KIF13A: variants seen among roughly 807,000 people sequenced by gnomAD.
The protein encoded by KIF13A is kinesin family member 13A.
In KIF13A, 79 loss-of-function variants were observed where a neutral mutation model predicts 212.2. The ratio of observed to expected loss-of-function variants is 0.37; its 90% confidence interval spans 0.31 to 0.45. KIF13A has a LOEUF of 0.45. KIF13A is among the 20% of genes least tolerant of loss of function. The pLI is 1.00. For missense variants in KIF13A, 1,901 were observed against 2,209.0 expected (o/e 0.86, Z 2.79); for synonymous variants, 789 against 808.6 (o/e 0.98, Z 0.41).
chr6:17,953,536 C>T (rs1778065601), intron 2 of KIF13A: 1 of 152,240 alleles, frequency 6.6e-6, no homozygotes, highest in African/African-American at 2.4e-5. Flanking sequence ...CTTGGGTGCG[C>T]TGAAGATTCC....
At chr6:17,983,172 CA>C (rs530156481) in intron 2 of KIF13A, among the ~76,000 whole-genome samples, 1,682 of 76,612 alleles carry the variant, frequency 0.022, 30 homozygotes, top group African/African-American at 0.061. Context: ...GACTCCATCT[CA>C]AAAAAAAAAA....
Position 17,811,367 on chromosome 6 carries a change from G to A in KIF13A, c.2001-2437C>T, listed in dbSNP as rs1048822053. Among the ~76,000 whole-genome samples, 1 of 152,198 alleles carries A rather than the reference G, an allele frequency of 6.6e-6. No individual in the cohort carries two copies. The stretch of plus-strand genomic sequence containing the variant: ...CTAGGGATACTTCAAAGGATTCCCT[G>A]TCCCTTGCAACTCATTTTCCAGGGT... On this transcript the variant is annotated intron_variant, in intron 17 of 38. Coordinates refer to ENST00000259711, the MANE Select transcript of KIF13A (RefSeq NM_022113.6). This position sits in a 1 kb window ranked among gnomAD's most constrained non-coding sequence, Gnocchi z 6.0.
chr6:17,802,939 T>G (rs1433974602), intron 20 of KIF13A, among the ~76,000 whole-genome samples: 6 of 138,856 alleles, frequency 4.3e-5, no homozygotes, highest in African/African-American at 1.5e-4. Flanking sequence ...TTTGTTTTTT[T>G]TTGTTTTGTT....
chr6:17,965,659 T>C (rs1779236422), intron 2 of KIF13A, among the ~76,000 whole-genome samples: 1 of 152,238 alleles, frequency 6.6e-6, no homozygotes, highest in South Asian at 2.1e-4. Flanking sequence ...TAAAGATATG[T>C]GTGATGTTAA....
At chr6:17,861,911 T>A (rs1339632956) in intron 4 of KIF13A, among the ~76,000 whole-genome samples, 1 of 152,236 alleles carries the variant, frequency 6.6e-6, no homozygotes, top group Admixed American at 6.5e-5. Flanking sequence ...TCTCTTTTCC[T>A]TCATGATTTC....
intron 2 of KIF13A, among the ~76,000 whole-genome samples, chr6:17,940,829 T>TA (rs1561785261): frequency 1.2e-3 from 178 of 146,966 alleles, no homozygotes; most frequent in African/African-American, 4.5e-3. Flanking sequence ...TTTTTTTTTT[T>TA]TTTTTTTTTT....
chr6:17,893,486 TTTC>T (rs1371022799), intron 3 of KIF13A, among the ~76,000 whole-genome samples: 2 of 152,218 alleles, frequency 1.3e-5, no homozygotes, highest in African/African-American at 2.4e-5. Flanking sequence ...TGTTTGCAGA[TTTC>T]TTAAGGTTTT....
intron 4 of KIF13A, among the ~76,000 whole-genome samples, chr6:17,870,510 A>G (rs189923399): frequency 5.3e-5 from 8 of 152,292 alleles, no homozygotes; most frequent in Admixed American, 5.2e-4. Context: ...GCAGAAGGCT[A>G]GAGTGTTCTC....
At position 17,780,782 on chromosome 6, in the gene KIF13A, G is replaced by A. The variant is rs1295199486; in HGVS notation, c.3794C>T (p.Ala1265Val). 2 of 1,614,040 alleles carry A rather than the reference G, an allele frequency of 1.2e-6. No individual in the cohort carries two copies. Among genetic ancestry groups the A allele is most frequent in the Non-Finnish European group, 1.7e-6 (2 of 1,179,888 alleles). ...KTTVQLSHPAAMELVLRKRIA... is the reference protein window; with the variant it reads ...KTTVQLSHPAVMELVLRKRIA... ...TCGTTTTCGTAATACTAACTCCATA[G>A]CAGCAGGGTGGCTGAGTTGAACTGT... is the stretch of plus-strand genomic sequence containing the variant. The change falls in exon 31 of 39, where the codon GCT (alanine) becomes GTT (valine). Residue 1265 changes from alanine (A) to valine (V), a missense_variant. Ala to Val is a moderately conservative substitution (Grantham distance 64). Transcript: ENST00000259711.
At chr6:17,761,661 G>T (rs911393281), downstream of KIF13A, among the ~76,000 whole-genome samples, 1 of 152,124 alleles carries the variant, frequency 6.6e-6, no homozygotes, top group African/African-American at 2.4e-5. Flanking sequence ...GGGATTACAG[G>T]TGTGAGCCAC....
intron 2 of KIF13A, among the ~76,000 whole-genome samples, chr6:17,917,856 C>T (rs1250234588): frequency 6.6e-6 from 1 of 152,122 alleles, no homozygotes; most frequent in Non-Finnish European, 1.5e-5. Context: ...AAATGCTGCC[C>T]ACCTTTCCCA....
rs148609729 is a variant in KIF13A, at chr6:17,935,963, G to A, written c.147-37783C>T. On this transcript the variant is annotated intron_variant, in intron 2 of 38. Transcript: ENST00000259711. ...TCATCTTATGCTGACTGTGCACAGA[G>A]GTTTTTTTTCTTAACGAAAAGACAG... Among the ~76,000 whole-genome samples the A allele has an allele frequency of 2.4e-3, 367 of 152,232 alleles. 2 individuals carry two copies. The highest frequency in any genetic ancestry group is 8.1e-3 in the African/African-American group (336 of 41,532).
At chr6:17,956,774 T>A (rs1419257628) in intron 2 of KIF13A, among the ~76,000 whole-genome samples, 1 of 152,104 alleles carries the variant, frequency 6.6e-6, no homozygotes, top group Admixed American at 6.6e-5. Context: ...TGCTCTATAC[T>A]CTGGAGGAAG....
At chr6:17,880,184 A>G (rs1285068092) in intron 3 of KIF13A, among the ~76,000 whole-genome samples, 2 of 152,136 alleles carry the variant, frequency 1.3e-5, no homozygotes, top group Non-Finnish European at 2.9e-5. Flanking sequence ...GAATTCTCCT[A>G]GCCTCAAGTG....
At chr6:17,859,638 A>ATATATATATTTTTTTTTTTTTT (rs1461455926) in intron 4 of KIF13A, among the ~76,000 whole-genome samples, 7 of 111,860 alleles carry the variant, frequency 6.3e-5, no homozygotes, top group African/African-American at 2.4e-4. Flanking sequence ...ATATATATAT[A>ATATATATATTTTTTTTTTTTTT]TTTTTTTTTT....
In KIF13A at chr6:17,856,196, A is replaced by G; in HGVS notation, c.221-74T>C. 1 of 1,008,796 alleles carries G rather than the reference A, an allele frequency of 9.9e-7. No homozygotes were observed. Among genetic ancestry groups the G allele is most frequent in the Non-Finnish European group, 1.5e-6 (1 of 661,536 alleles). 62.5% of individuals were successfully genotyped at this position (1,008,796 alleles called of 1,614,324 possible). A position where few individuals can be genotyped will look rare whatever the true frequency, so the allele number is the denominator to read the frequency against. ...TTGACATATTTGTGTTAGTAACAAT[A>G]TTATGTCAATTCAAAAAAATGTTAA... is the stretch of plus-strand genomic sequence containing the variant. On this transcript the variant is annotated intron_variant, in intron 4 of 38. Coordinates refer to ENST00000259711, the MANE Select transcript of KIF13A (RefSeq NM_022113.6). This position sits in a 1 kb window ranked among gnomAD's most constrained non-coding sequence, Gnocchi z 4.5.
At position 17,763,984 on chromosome 6, in the gene KIF13A, A is replaced by G; in HGVS notation, c.*126T>C. 6.9e-7 allele frequency: 1 copy of G among 1,452,356 alleles called. No individual in the cohort carries two copies. Among genetic ancestry groups the G allele is most frequent in the South Asian group, 1.5e-5 (1 of 66,754 alleles). The allele number at this position is 1,452,356 out of a possible 1,614,324, so 90.0% of individuals were successfully genotyped here. A position where few individuals can be genotyped will look rare whatever the true frequency, so the allele number is the denominator to read the frequency against. ...AACAGACTTGCTCTCCGACAGAGAC[A>G]GCTGTGCAGGAAGTGAGCCTGCTTC... On this transcript the variant is annotated 3_prime_UTR_variant, in exon 39 of 39. Coordinates refer to ENST00000259711, the MANE Select transcript of KIF13A (RefSeq NM_022113.6).
At chr6:17,972,200 C>G (rs1779862078) in intron 2 of KIF13A, among the ~76,000 whole-genome samples, 1 of 152,214 alleles carries the variant, frequency 6.6e-6, no homozygotes, top group Admixed American at 6.5e-5. Flanking sequence ...ACCTTCCCCA[C>G]TACTATCCTC....
In KIF13A at chr6:17,907,754, A is replaced by G. The variant is rs192727463; in HGVS notation, c.147-9574T>C. ...AAGCTAGAGTGCACAGGATATGTTC[A>G]GGGAATAGCAGGTAGACAGAATGTA... On this transcript the variant is annotated intron_variant, in intron 2 of 38. Coordinates refer to ENST00000259711, the MANE Select transcript of KIF13A (RefSeq NM_022113.6). 1.8e-4 allele frequency among the ~76,000 whole-genome samples: 27 copies of G among 152,330 alleles called. No individual in the cohort carries two copies. In the East Asian group the frequency reaches 5.2e-3, roughly 29 times the overall value.
Sources: allele counts gnomAD v4.1 joint callset (sites outside exome capture counted in the v4.1 genomes callset), GRCh38; gene constraint gnomAD v4.1.1; non-coding constraint Gnocchi (gnomAD v3.1); transcripts MANE v1.5; gene names NCBI Gene and HGNC (gene_info 2026-07-23, HGNC 2026-07-21).